Variants in CTNNA3 observed in about 807,000 individuals in gnomAD.
CTNNA3 encodes the protein catenin alpha-3.
Under a neutral mutation model 95.7 loss-of-function variants are expected in CTNNA3, and 76 were observed. The observed-to-expected ratio is 0.79, with a 90% CI of 0.66 to 0.96. CTNNA3 has a LOEUF of 0.96. Among genes scored for constraint, CTNNA3 ranks in the 40% least tolerant of loss-of-function variants. The pLI is 0.00. For synonymous variants in CTNNA3, 431 were observed against 374.4 expected (o/e 1.15, Z -1.74); for missense variants, 1,191 against 1,089.8 (o/e 1.09, Z -1.31).
chr10:66,165,365 C>T (rs1473563684), intron 13 of CTNNA3, among the ~76,000 whole-genome samples: 1 of 152,100 alleles, frequency 6.6e-6, no homozygotes, highest in Non-Finnish European at 1.5e-5. Flanking sequence ...GCACCATACT[C>T]ACTACCTGGG....
chr10:66,655,321 T>C (rs1231182893), intron 9 of CTNNA3, among the ~76,000 whole-genome samples: 1 of 152,088 alleles, frequency 6.6e-6, no homozygotes, highest in African/African-American at 2.4e-5. Context: ...TTTTGAAAAG[T>C]AACATATATA....
chr10:66,146,238 A>C, intron 13 of CTNNA3, among the ~76,000 whole-genome samples: 1 of 152,062 alleles, frequency 6.6e-6, no homozygotes, highest in East Asian at 1.9e-4. Flanking sequence ...CTTCCAGGTC[A>C]TTTTCAGATG....
At chr10:65,922,180 T>C (rs997649137) in intron 17 of CTNNA3, among the ~76,000 whole-genome samples, 28 of 152,202 alleles carry the variant, frequency 1.8e-4, no homozygotes, top group African/African-American at 6.5e-4. Flanking sequence ...CAATATGTGA[T>C]TATTTTTCGA....
chr10:67,742,649 A>T (rs1427736781), intron 1 of CTNNA3, among the ~76,000 whole-genome samples: 4 of 150,986 alleles, frequency 2.6e-5, no homozygotes, highest in African/African-American at 7.3e-5. Flanking sequence ...AATAACTAAG[A>T]TCAGAGCAGA....
intron 1 of CTNNA3, among the ~76,000 whole-genome samples, chr10:67,730,897 A>G (rs1841269956): frequency 1.3e-5 from 2 of 152,158 alleles, no homozygotes; most frequent in Admixed American, 6.5e-5. Context: ...TAATTATAGC[A>G]CAATATGTGG....
At chr10:67,384,623 G>A (rs1245180215) in intron 5 of CTNNA3, among the ~76,000 whole-genome samples, 1 of 152,108 alleles carries the variant, frequency 6.6e-6, no homozygotes, top group South Asian at 2.1e-4. Flanking sequence ...AAAGTTCCAG[G>A]GGAGCCCAAA....
intron 10 of CTNNA3, among the ~76,000 whole-genome samples, chr10:66,557,392 G>A (rs1469774391): frequency 6.6e-6 from 1 of 151,994 alleles, no homozygotes. Flanking sequence ...TGATGATAAT[G>A]GTGTCATCAT....
chr10:66,781,319 T>G (rs74141675), intron 7 of CTNNA3, among the ~76,000 whole-genome samples: 12 of 152,140 alleles, frequency 7.9e-5, no homozygotes, highest in Non-Finnish European at 1.5e-4. Flanking sequence ...AAAGATGAAA[T>G]ATGATACCCT....
intron 7 of CTNNA3, among the ~76,000 whole-genome samples, chr10:66,949,174 T>C (rs1391772398): frequency 2.6e-5 from 4 of 152,246 alleles, no homozygotes; most frequent in African/African-American, 4.8e-5. Flanking sequence ...TTAGTATTTA[T>C]TCAAATATAT....
intron 9 of CTNNA3, among the ~76,000 whole-genome samples, chr10:66,754,878 C>T (rs946467468): frequency 3.3e-5 from 5 of 152,094 alleles, no homozygotes; most frequent in Admixed American, 2.0e-4. Context: ...GAGCCTGGCA[C>T]CACTGAAAAA....
At chr10:66,557,114 C>G (rs1842415133) in intron 10 of CTNNA3, among the ~76,000 whole-genome samples, 1 of 151,976 alleles carries the variant, frequency 6.6e-6, no homozygotes, top group Non-Finnish European at 1.5e-5. Context: ...ATGACTTGCT[C>G]AATTCAGAAC....
chr10:67,307,840 A>G (rs1840620532), intron 5 of CTNNA3, among the ~76,000 whole-genome samples: 1 of 152,214 alleles, frequency 6.6e-6, no homozygotes, highest in Non-Finnish European at 1.5e-5. Flanking sequence ...GTAAGTGGCT[A>G]GGTAAATCAG....
intron 1 of CTNNA3, among the ~76,000 whole-genome samples, chr10:67,670,338 C>CT (rs1350300359): frequency 6.6e-6 from 1 of 152,192 alleles, no homozygotes; most frequent in Non-Finnish European, 1.5e-5. Flanking sequence ...AAGTCTAGTT[C>CT]TACTGATTTT....
At chr10:67,045,494 G>C (rs75461914) in intron 7 of CTNNA3, among the ~76,000 whole-genome samples, 1 of 152,066 alleles carries the variant, frequency 6.6e-6, no homozygotes, top group East Asian at 1.9e-4. Context: ...AATAGATCGC[G>C]GCGAGGGAAC....
chr10:66,095,094 C>T (rs1434326635), intron 14 of CTNNA3, among the ~76,000 whole-genome samples: 4 of 151,974 alleles, frequency 2.6e-5, no homozygotes, highest in African/African-American at 9.7e-5. Context: ...TGTAGGCCTC[C>T]CAATATATGT....
chr10:65,988,548 TA>T (rs1464063785), intron 16 of CTNNA3, 143 bp downstream of exon 16: 4 of 596,030 alleles, frequency 6.7e-6, no homozygotes, highest in Admixed American at 2.9e-5. Flanking sequence ...TTACCTAGTG[TA>T]TTAATAGAGC....
At chr10:66,340,953 G>A (rs929605356) in intron 12 of CTNNA3, among the ~76,000 whole-genome samples, 2 of 151,838 alleles carry the variant, frequency 1.3e-5, no homozygotes, top group Non-Finnish European at 3.0e-5. Context: ...AATTTTAGAA[G>A]TTAGCATTAT....
At chr10:67,221,662 C>T (rs1463667895) in intron 5 of CTNNA3, among the ~76,000 whole-genome samples, 1 of 152,090 alleles carries the variant, frequency 6.6e-6, no homozygotes, top group Non-Finnish European at 1.5e-5. Flanking sequence ...GCAAGCTCCG[C>T]CTCCTGGGTT....
chr10:66,345,256 A>G (rs2092496650), intron 12 of CTNNA3, among the ~76,000 whole-genome samples: 1 of 152,148 alleles, frequency 6.6e-6, no homozygotes, highest in African/African-American at 2.4e-5. Context: ...GTTTATAGCA[A>G]ATTTGGCCCA....
Sources: allele counts gnomAD v4.1 joint callset (sites outside exome capture counted in the v4.1 genomes callset), GRCh38; gene constraint gnomAD v4.1.1; transcripts MANE v1.5; gene names NCBI Gene and HGNC (gene_info 2026-07-23, HGNC 2026-07-21).